The following MMP26 variants were observed in gnomAD, a reference collection of about 807,000 sequenced individuals.
MMP26 encodes matrix metalloproteinase-26.
Under a neutral mutation model 31.0 loss-of-function variants are expected in MMP26, and 33 were observed. The observed-to-expected ratio is 1.06, with a 90% confidence interval of 0.81 to 1.42. The LOEUF is 1.42. MMP26 is among the 40% of genes most tolerant of loss of function. MMP26 has a pLI of 0.00. For missense variants in MMP26, 347 were observed against 316.1 expected (o/e 1.10, Z -0.74); for synonymous variants, 122 against 114.9 (o/e 1.06, Z -0.40).
At chr11:4,843,546 C>T (rs1005646400) in intron 2 of MMP26, among the ~76,000 whole-genome samples, 11 of 152,204 alleles carry the variant, frequency 7.2e-5, no homozygotes, top group South Asian at 2.1e-4. Flanking sequence ...GTGGCTGGAA[C>T]GCAGGGTGCC....
chr11:4,989,563 C>T (rs1846961410), intron 3 of MMP26, 85 bp from the exon 4 acceptor site: 3 of 1,093,264 alleles, frequency 2.7e-6, no homozygotes, highest in Non-Finnish European at 4.0e-6. Context: ...CTTCTGAGAC[C>T]CTCAAAGAAG....
chr11:4,756,006 A>G (rs575408332), intron 1 of MMP26, among the ~76,000 whole-genome samples: 299 of 152,244 alleles, frequency 2.0e-3, no homozygotes, highest in Non-Finnish European at 3.3e-3. Context: ...TGACTCAGTT[A>G]TCAGTATCTC....
At chr11:4,897,634 C>T (rs142908965) in intron 2 of MMP26, among the ~76,000 whole-genome samples, 120 of 151,734 alleles carry the variant, frequency 7.9e-4, no homozygotes, top group African/African-American at 2.7e-3. Context: ...ACTTCATTTC[C>T]TCAACTGGCT....
intron 2 of MMP26, among the ~76,000 whole-genome samples, chr11:4,857,442 A>G (rs1850071450): frequency 6.6e-6 from 1 of 152,108 alleles, no homozygotes; most frequent in South Asian, 2.1e-4. Flanking sequence ...GAATACTATA[A>G]ACACCTCTGT....
At chr11:4,864,417 C>A (rs1850207404) in intron 2 of MMP26, among the ~76,000 whole-genome samples, 1 of 152,116 alleles carries the variant, frequency 6.6e-6, no homozygotes, top group Non-Finnish European at 1.5e-5. Flanking sequence ...TATTTTCCAT[C>A]ACAAGCATAT....
intron 2 of MMP26, among the ~76,000 whole-genome samples, chr11:4,920,548 T>TA (rs1279040779): frequency 2.0e-5 from 3 of 152,182 alleles, no homozygotes; most frequent in Non-Finnish European, 2.9e-5. Flanking sequence ...ATGTAAGAAG[T>TA]GCTCAGAATA....
intron 2 of MMP26, chr11:4,937,236 A>C (rs527938241): frequency 6.6e-6 from 1 of 152,132 alleles, no homozygotes; most frequent in Non-Finnish European, 1.5e-5. Flanking sequence ...CATTCTGTGA[A>C]CTCCATCTGA....
chr11:4,705,688 T>G (rs1847766059), intron 1 of MMP26, among the ~76,000 whole-genome samples: 1 of 152,186 alleles, frequency 6.6e-6, no homozygotes, highest in Non-Finnish European at 1.5e-5. Context: ...TCACAGAATT[T>G]TTTTTAAAAA....
At chr11:4,930,112 G>A (rs1261523065) in intron 2 of MMP26, among the ~76,000 whole-genome samples, 1 of 151,928 alleles carries the variant, frequency 6.6e-6, no homozygotes, top group Non-Finnish European at 1.5e-5. Context: ...ACATTTTGTG[G>A]CAAAGATTAT....
chr11:4,900,723 C>T (rs1167519484), intron 2 of MMP26, among the ~76,000 whole-genome samples: 2 of 152,142 alleles, frequency 1.3e-5, no homozygotes, highest in Non-Finnish European at 2.9e-5. Flanking sequence ...CTTCTAGAAC[C>T]ATCCACATGC....
intron 2 of MMP26, among the ~76,000 whole-genome samples, chr11:4,799,736 A>G (rs2133450439): frequency 6.6e-6 from 1 of 152,318 alleles, no homozygotes; most frequent in East Asian, 1.9e-4. Context: ...CAAGTTATTT[A>G]CTTCCAGCAT....
At chr11:4,875,555 G>A (rs1850368152) in intron 2 of MMP26, 1 of 152,072 alleles carries the variant, frequency 6.6e-6, no homozygotes, top group African/African-American at 2.4e-5. Flanking sequence ...AATATTCCTT[G>A]TCTCCTGGTT....
chr11:4,957,367 A>G (rs959773639), intron 2 of MMP26, among the ~76,000 whole-genome samples: 2 of 152,194 alleles, frequency 1.3e-5, no homozygotes, highest in Non-Finnish European at 1.5e-5. Flanking sequence ...TTTCACACCA[A>G]TTTGTAGAAA....
chr11:4,907,211 A>C, intron 2 of MMP26: 1 of 546,544 alleles, frequency 1.8e-6, no homozygotes, highest in South Asian at 3.0e-5. Flanking sequence ...ACTTCTGGTA[A>C]ATTTTGAAGA....
intron 2 of MMP26, among the ~76,000 whole-genome samples, chr11:4,802,013 A>G (rs943476170): frequency 2.6e-5 from 4 of 152,206 alleles, no homozygotes; most frequent in Admixed American, 6.5e-5. Flanking sequence ...GAGGGGAGCC[A>G]GGTCCAAATC....
intron 2 of MMP26, among the ~76,000 whole-genome samples, chr11:4,970,466 A>G (rs1315149690): frequency 3.3e-5 from 5 of 152,146 alleles, no homozygotes; most frequent in Admixed American, 2.6e-4. Flanking sequence ...TCTGCCTCAG[A>G]TGATTGCTGT....
rs575575397 is a variant in MMP26, at chr11:4,723,623, C to T, written c.-217+18578C>T. 11 of 889,060 alleles carry T rather than the reference C, an allele frequency of 1.2e-5. No homozygotes were observed. The African/African-American group carries it at 1.6e-4, about 13-fold the overall frequency. 55.1% of individuals were successfully genotyped at this position (889,060 alleles called of 1,614,324 possible). ...ATGAGGACAAATTCATTCTCCAGCTCTGCACACTTATTGATCTCATCCTCA... is the reference window on the plus strand; with the variant it reads ...ATGAGGACAAATTCATTCTCCAGCTTTGCACACTTATTGATCTCATCCTCA... On this transcript the variant is annotated intron_variant, in intron 1 of 7. Coordinates refer to ENST00000380390, the MANE Select transcript of MMP26 (RefSeq NM_021801.5).
intron 2 of MMP26, chr11:4,907,639 G>T: frequency 6.2e-7 from 1 of 1,613,904 alleles, no homozygotes; most frequent in Non-Finnish European, 8.5e-7. Flanking sequence ...TCAATGCCAT[G>T]GGAATTTCAC....
chr11:4,810,021 A>T (rs1208493299), intron 2 of MMP26, among the ~76,000 whole-genome samples: 2 of 152,120 alleles, frequency 1.3e-5, no homozygotes, highest in Non-Finnish European at 2.9e-5. Context: ...GACGTTTCCG[A>T]CCTTTAAGTA....
Sources: gnomAD v4.1 joint callset for allele counts (sites outside exome capture counted in the v4.1 genomes callset) on GRCh38, gnomAD v4.1.1 for gene constraint, MANE v1.5 for transcripts, NCBI Gene and HGNC (gene_info 2026-07-23, HGNC 2026-07-21) for gene names.